Variants in CBL observed in about 807,000 individuals in gnomAD.
CBL encodes the protein Cbl proto-oncogene.
Under a neutral mutation model 96.9 loss-of-function variants are expected in CBL, and 45 were observed. That is an observed-to-expected ratio of 0.46 (90% CI 0.37 to 0.60). The LOEUF (loss-of-function observed/expected upper bound fraction) is 0.60. Among genes scored for constraint, CBL ranks in the 20% least tolerant of loss-of-function variants. CBL has a pLI of 0.00. For missense variants in CBL, 1,024 were observed against 1,143.5 expected (o/e 0.90, Z 1.51); for synonymous variants, 420 against 426.8 (o/e 0.98, Z 0.20).
intron 12 of CBL, among the ~76,000 whole-genome samples, chr11:119,296,405 C>T (rs1950062489): frequency 6.6e-6 from 1 of 152,120 alleles, no homozygotes; most frequent in Non-Finnish European, 1.5e-5. Context: ...ATGTGGGAGT[C>T]AGTAGATCTG....
rs1459057780 is a variant in CBL, at chr11:119,308,138, T to C, written c.*8357T>C. On this transcript the variant is annotated 3_prime_UTR_variant, in exon 16 of 16. Coordinates refer to ENST00000264033, the MANE Select transcript of CBL (RefSeq NM_005188.4). ...AAATATTTTTAAATAAAGTTTCTTT[T>C]GTTGTAGCAGACTTGAGTTCTTGCT... The C allele has an allele frequency of 5.9e-6, 1 of 168,366 alleles. No homozygotes were observed. The highest frequency in any genetic ancestry group is 2.4e-5 in the African/African-American group (1 of 41,988). The allele number at this position is 168,366 out of a possible 1,614,324, so 10.4% of individuals were successfully genotyped here. A position where few individuals can be genotyped will look rare whatever the true frequency, so the allele number is the denominator to read the frequency against.
At chr11:119,283,664 G>A (rs1180757567) in intron 9 of CBL, among the ~76,000 whole-genome samples, 2 of 46,178 alleles carry the variant, frequency 4.3e-5, no homozygotes, top group African/African-American at 1.6e-4. Flanking sequence ...TTGAGATGGA[G>A]TCTTGCTCTT....
At chr11:119,209,903 G>A (rs1212439339) in intron 1 of CBL, among the ~76,000 whole-genome samples, 1 of 152,174 alleles carries the variant, frequency 6.6e-6, no homozygotes, top group African/African-American at 2.4e-5. Flanking sequence ...AAAAATGTTT[G>A]TGCTAGAATG....
intron 1 of CBL, among the ~76,000 whole-genome samples, chr11:119,220,478 A>T (rs1949399175): frequency 6.6e-6 from 1 of 152,206 alleles, no homozygotes; most frequent in Admixed American, 6.5e-5. Flanking sequence ...ACATGCCTGT[A>T]GTCCCAGCTA....
rs529250661 is a variant in CBL, at chr11:119,216,236, A to G, written c.195+9624A>G. ...GTTTGCTGCCTTCCCTGTGGCTTGG[A>G]TCTGCCATGGAGGAAGGACTAAAAT... On this transcript the variant is annotated intron_variant, in intron 1 of 15. Coordinates refer to ENST00000264033, the MANE Select transcript of CBL (RefSeq NM_005188.4). Among the ~76,000 whole-genome samples the G allele has an allele frequency of 1.1e-4, 17 of 152,252 alleles. No individual in the cohort carries two copies. The East Asian group carries it at 3.3e-3, about 29-fold the overall frequency.
At chr11:119,288,760 G>GT (rs1950003953) in intron 12 of CBL, among the ~76,000 whole-genome samples, 1 of 152,072 alleles carries the variant, frequency 6.6e-6, no homozygotes, top group Non-Finnish European at 1.5e-5. Context: ...AATGAATACT[G>GT]TATTTTTGAG....
intron 2 of CBL, among the ~76,000 whole-genome samples, chr11:119,264,987 C>T (rs1592393837): frequency 6.6e-6 from 1 of 152,242 alleles, no homozygotes; most frequent in African/African-American, 2.4e-5. Context: ...AGCTATCATC[C>T]CACCTCAGCA....
chr11:119,216,089 C>A (rs1046251725), intron 1 of CBL, among the ~76,000 whole-genome samples: 12 of 152,180 alleles, frequency 7.9e-5, no homozygotes, highest in Non-Finnish European at 7.3e-5. Flanking sequence ...CATAGATGGA[C>A]CTGTGGTTCT....
intron 2 of CBL, among the ~76,000 whole-genome samples, chr11:119,239,676 G>A (rs187258687): frequency 5.3e-5 from 8 of 152,232 alleles, no homozygotes; most frequent in Non-Finnish European, 1.0e-4. Context: ...GGAGGAAAAT[G>A]TTCAGCCTTT....
chr11:119,216,841 A>G (rs764227001), intron 1 of CBL, among the ~76,000 whole-genome samples: 5 of 152,070 alleles, frequency 3.3e-5, no homozygotes, highest in South Asian at 2.1e-4. Flanking sequence ...TTTGGGGTCC[A>G]TTCCCTCCCA....
intron 2 of CBL, among the ~76,000 whole-genome samples, chr11:119,270,754 A>G (rs552727509): frequency 1.0e-4 from 15 of 148,606 alleles, no homozygotes; most frequent in African/African-American, 3.7e-4. Flanking sequence ...CCATTTTTAT[A>G]TTTTTTAGTA....
chr11:119,240,501 T>C (rs1402242764), intron 2 of CBL, among the ~76,000 whole-genome samples: 1 of 152,110 alleles, frequency 6.6e-6, no homozygotes, highest in African/African-American at 2.4e-5. Flanking sequence ...TACACCCAAG[T>C]TTTATATCTT....
rs997859448 is a variant in CBL, at chr11:119,299,593, G to A, written c.2533G>A (p.Gly845Ser). The change falls in exon 16 of 16, where the codon GGT becomes AGT. Residue 845 changes from glycine to serine, a missense_variant. Gly to Ser is a moderately conservative substitution (Grantham distance 56). Around this residue, in one of 4 missense-constraint regions of CBL, gnomAD observed 695 missense variants for 661.6 expected, o/e 1.05. Coordinates refer to ENST00000264033, the MANE Select transcript of CBL (RefSeq NM_005188.4). Reference protein sequence around the residue: ...RKAGSCQQGSGPAASAATASP... With the variant: ...RKAGSCQQGSSPAASAATASP... ...AGCTGGCAGCTGTCAGCAAGGTAGT[G>A]GTCCTGCCGCCTCTGCTGCCACCGC... 7.4e-6 allele frequency: 12 copies of A among 1,614,062 alleles called. No individual in the cohort carries two copies. The East Asian group carries it at 2.7e-4, about 36-fold the overall frequency.
intron 12 of CBL, among the ~76,000 whole-genome samples, chr11:119,294,096 T>C (rs957176517): frequency 6.6e-6 from 1 of 152,222 alleles, no homozygotes; most frequent in African/African-American, 2.4e-5. Flanking sequence ...GAGGTTCAAT[T>C]ATGTATTTTA....
intron 5 of CBL, 117 bp downstream of exon 5, chr11:119,275,070 G>A (rs1289582375): frequency 9.9e-7 from 1 of 1,006,866 alleles, no homozygotes; most frequent in Non-Finnish European, 1.6e-6. Context: ...TTCTGCAATA[G>A]GATTGATACC....
intron 2 of CBL, among the ~76,000 whole-genome samples, chr11:119,269,575 T>G (rs142981628): frequency 6.6e-6 from 1 of 152,154 alleles, no homozygotes; most frequent in Non-Finnish European, 1.5e-5. Flanking sequence ...GGTGCTGCAT[T>G]TTATCCACGA....
Position 119,285,478 on chromosome 11 carries a change from A to G in CBL, c.1853A>G (p.His618Arg). 6.2e-7 allele frequency: 1 copy of G among 1,614,076 alleles called. No homozygotes were observed. Among genetic ancestry groups the G allele is most frequent in the Non-Finnish European group, 8.5e-7 (1 of 1,180,014 alleles). ...PWTGRELTNR[H>R]SLPFSLPSQM... ...ACAGGAAGAGAATTAACCAACCGGCACTCACTTCCATTTTCATTGCCCTCA... is the reference window on the plus strand; with the variant it reads ...ACAGGAAGAGAATTAACCAACCGGCGCTCACTTCCATTTTCATTGCCCTCA... The change falls in exon 11 of 16, where the codon CAC (histidine) becomes CGC (arginine). Residue 618 changes from histidine to arginine, a missense_variant. Physicochemically the swap from His to Arg is conservative, Grantham distance 29. Transcript: ENST00000264033.
intron 2 of CBL, among the ~76,000 whole-genome samples, chr11:119,238,453 G>C (rs765180175): frequency 2.0e-5 from 3 of 151,040 alleles, no homozygotes; most frequent in African/African-American, 7.3e-5. Flanking sequence ...CATGTGACCC[G>C]CCCGCCTCGG....
chr11:119,224,900 G>A (rs1392119066), intron 1 of CBL, among the ~76,000 whole-genome samples: 3 of 151,984 alleles, frequency 2.0e-5, no homozygotes, highest in Non-Finnish European at 4.4e-5. Flanking sequence ...GGGAGGCAAG[G>A]GGGCAGGCAC....
Sources: allele counts gnomAD v4.1 joint callset (sites outside exome capture counted in the v4.1 genomes callset), GRCh38; gene constraint gnomAD v4.1.1; regional missense constraint gnomAD v4.1.1; transcripts MANE v1.5; gene names NCBI Gene and HGNC (gene_info 2026-07-23, HGNC 2026-07-21).